ZBTB2: variants seen among roughly 807,000 people sequenced by gnomAD.
The protein encoded by ZBTB2 is zinc finger and BTB domain containing 2.
In ZBTB2, 2 loss-of-function variants were observed where a neutral mutation model predicts 39.5. The ratio of observed to expected loss-of-function variants is 0.05; its 90% CI spans 0.02 to 0.16. The LOEUF (loss-of-function observed/expected upper bound fraction) is 0.16, where lower values mean the gene tolerates loss of function less well. Among genes scored for constraint, ZBTB2 ranks in the 10% least tolerant of loss-of-function variants. ZBTB2 has a pLI of 1.00. For synonymous variants in ZBTB2, 251 were observed against 256.6 expected, an observed-to-expected ratio of 0.98 and a Z score of 0.21; for missense variants, 391 against 653.0, an observed-to-expected ratio of 0.60 and a Z score of 4.37.
chr6:151,372,363 G>C lies in ZBTB2; in HGVS notation c.173+1102C>G, dbSNP rs184916888. Among the ~76,000 whole-genome samples, 5 of 152,222 alleles carry C rather than the reference G, an allele frequency of 3.3e-5. No individual in the cohort carries two copies. In the East Asian group the frequency reaches 9.7e-4, roughly 29 times the overall value. On this transcript the variant is annotated intron_variant, in intron 2 of 2. Transcript: ENST00000325144. ...GCGCGCACTGATAGGAAGAGTGTGG[G>C]ATGAGGAGAGTGCAGGCGAGGACCT...
rs1251855178 is a variant in ZBTB2 at position 151,366,672 on chromosome 6, A to G, written c.394T>C (p.Leu132=). The change falls in exon 3 of 3, where the codon TTG becomes CTG. Residue 132 remains leucine, a synonymous_variant. Transcript: ENST00000325144. The surrounding 1 kb of genome is among the most constrained non-coding windows in gnomAD (Gnocchi z 7.1). ...PDQVFPLASS[L]YGIQIADHQL... ...TGATCTGCAATCTGAATGCCATACA[A>G]TGAAGAAGCCAGTGGGAAAACTTGG... The G allele has an allele frequency of 6.2e-6, 10 of 1,613,994 alleles. No individual in the cohort carries two copies. Among genetic ancestry groups the G allele is most frequent in the South Asian group, 1.1e-5 (1 of 91,084 alleles).
chr6:151,390,216 G>C (rs1483615826), intron 1 of ZBTB2, among the ~76,000 whole-genome samples: 2 of 151,596 alleles, frequency 1.3e-5, no homozygotes, highest in African/African-American at 4.8e-5. Flanking sequence ...CAAGGGCGGC[G>C]CCACAGAGGC....
At position 151,377,520 on chromosome 6, in the gene ZBTB2, G is replaced by A. The variant is rs952800826; in HGVS notation, c.-12-3871C>T. Among the ~76,000 whole-genome samples, 23 of 143,720 alleles carry A rather than the reference G, an allele frequency of 1.6e-4. No homozygotes were observed. The East Asian group carries it at 3.8e-3, about 24-fold the overall frequency. 94.3% of individuals were successfully genotyped at this position (143,720 alleles called of 152,430 possible). ...AGTAGCTGGGATTACAGGTGCCCGC[G>A]ACCATGTCTGGCTAATTTTTTTTTT... On this transcript the variant is annotated intron_variant, in intron 1 of 2. Coordinates refer to ENST00000325144, the MANE Select transcript of ZBTB2 (RefSeq NM_020861.3).
intron 1 of ZBTB2, among the ~76,000 whole-genome samples, chr6:151,381,207 A>C (rs929545778): frequency 6.6e-6 from 1 of 152,166 alleles, no homozygotes; most frequent in African/African-American, 2.4e-5. Context: ...GAAAGGGCAA[A>C]CCTGATGTCA....
At chr6:151,376,732 T>C (rs576909937) in intron 1 of ZBTB2, among the ~76,000 whole-genome samples, 4 of 152,318 alleles carry the variant, frequency 2.6e-5, no homozygotes, top group African/African-American at 7.2e-5. Context: ...GGATCATTCA[T>C]ACACTGCTGG....
upstream of ZBTB2, chr6:151,391,559 CGGCGGCGGCGGCGGCGGCGG>C (rs1284918876): frequency 6.7e-6 from 1 of 149,394 alleles, no homozygotes; most frequent in Non-Finnish European, 1.5e-5. Context: ...GTCTCCGGCG[CGGCGGCGGCGGCGGCGGCGG>C]GGCTTTTCCT....
intron 2 of ZBTB2, chr6:151,370,263 G>A (rs190927598): frequency 1.0e-3 from 173 of 165,764 alleles, no homozygotes; most frequent in East Asian, 9.3e-3. Flanking sequence ...AGTCTCCCGA[G>A]TAGCTGGGAT....
At chr6:151,372,702 C>T (rs28570339) in intron 2 of ZBTB2, among the ~76,000 whole-genome samples, 15,337 of 152,038 alleles carry the variant, frequency 0.1, 1,366 homozygotes, top group African/African-American at 0.24. Context: ...TTCATGCCCT[C>T]GAGCTTCTTG....
intron 2 of ZBTB2, among the ~76,000 whole-genome samples, chr6:151,370,412 C>T (rs898566130): frequency 5.3e-5 from 8 of 152,306 alleles, no homozygotes; most frequent in South Asian, 4.1e-4. Flanking sequence ...TAAGCCCTTT[C>T]GTATAAACTT....
chr6:151,379,577 G>C (rs1778986183), intron 1 of ZBTB2, among the ~76,000 whole-genome samples: 1 of 149,984 alleles, frequency 6.7e-6, no homozygotes, highest in Non-Finnish European at 1.5e-5. Flanking sequence ...AGAGGGTTGA[G>C]GCTGCAGTGA....
chr6:151,388,894 G>C (rs961773460), intron 1 of ZBTB2, among the ~76,000 whole-genome samples: 1 of 152,180 alleles, frequency 6.6e-6, no homozygotes, highest in Admixed American at 6.5e-5. Context: ...AAACTGGCAA[G>C]TATGCACTGG....
chr6:151,387,231 T>C (rs1159139520), intron 1 of ZBTB2, among the ~76,000 whole-genome samples: 1 of 152,252 alleles, frequency 6.6e-6, no homozygotes, highest in Admixed American at 6.5e-5. Context: ...TACTCTATTA[T>C]AGTAATATTC....
intron 1 of ZBTB2, among the ~76,000 whole-genome samples, chr6:151,378,322 TC>T (rs5880927): frequency 0.036 from 5,420 of 152,302 alleles, 188 homozygotes; most frequent in East Asian, 0.17. Flanking sequence ...AGGAGAGTCA[TC>T]CAATTTTGCA....
rs1434978253 is a variant in ZBTB2, at chr6:151,366,685, T to C, written c.381A>G (p.Pro127=). 1 of 1,613,898 alleles carries C rather than the reference T, an allele frequency of 6.2e-7. No individual in the cohort carries two copies. Among genetic ancestry groups the C allele is most frequent in the Non-Finnish European group, 8.5e-7 (1 of 1,180,008 alleles). Reference sequence around the variant, plus strand: ...GAATGCCATACAATGAAGAAGCCAGTGGGAAAACTTGGTCAGGGTGAGAAA... The same window carrying C: ...GAATGCCATACAATGAAGAAGCCAGCGGGAAAACTTGGTCAGGGTGAGAAA... The part of the protein sequence containing the change: ...GAFSHPDQVF[P]LASSLYGIQI... Residue 127 remains proline, a synonymous_variant, in exon 3 of 3, where the codon CCA becomes CCG. Transcript: ENST00000325144. The surrounding 1 kb of genome is among the most constrained non-coding windows in gnomAD (Gnocchi z 7.1).
intron 1 of ZBTB2, among the ~76,000 whole-genome samples, chr6:151,385,403 G>T (rs1779129277): frequency 6.6e-6 from 1 of 152,160 alleles, no homozygotes; most frequent in African/African-American, 2.4e-5. Context: ...AGCACATGTG[G>T]GCTGATCCGT....
At chr6:151,387,506 C>A (rs973701795) in intron 1 of ZBTB2, among the ~76,000 whole-genome samples, 2 of 152,172 alleles carry the variant, frequency 1.3e-5, no homozygotes, top group Non-Finnish European at 2.9e-5. Flanking sequence ...TTCAGAATCA[C>A]TTTGGGGACT....
chr6:151,377,610 G>A (rs574695288), intron 1 of ZBTB2, among the ~76,000 whole-genome samples: 54 of 142,332 alleles, frequency 3.8e-4, no homozygotes, highest in East Asian at 3.5e-3. Context: ...GTGTGATCTC[G>A]GCACACTGAC....
intron 1 of ZBTB2, among the ~76,000 whole-genome samples, chr6:151,387,750 T>G (rs915087595): frequency 3.9e-5 from 6 of 152,188 alleles, no homozygotes. Flanking sequence ...AAAGTGACAC[T>G]CAAAGGCATG....
intron 2 of ZBTB2, chr6:151,369,966 A>T: frequency 3.6e-6 from 1 of 275,484 alleles, no homozygotes; most frequent in Non-Finnish European, 5.5e-6. Flanking sequence ...TCCTTAATGT[A>T]CATTTCAGCC....
Sources: gnomAD v4.1 joint callset for allele counts (sites outside exome capture counted in the v4.1 genomes callset) on GRCh38, gnomAD v4.1.1 for gene constraint, Gnocchi (gnomAD v3.1) non-coding constraint, MANE v1.5 for transcripts, NCBI Gene and HGNC (gene_info 2026-07-23, HGNC 2026-07-21) for gene names.